Variants in TECPR2 observed in about 807,000 individuals in gnomAD.
TECPR2 encodes the protein tectonin beta-propeller repeat containing 2, also known as tectonin beta-propeller repeat-containing protein 2.
Under a neutral mutation model 138.1 loss-of-function variants are expected in TECPR2, and 65 were observed. That is an observed-to-expected ratio of 0.47 (90% CI 0.39 to 0.58). The LOEUF (loss-of-function observed/expected upper bound fraction) is 0.58, where lower values mean the gene tolerates loss of function less well. Among genes scored for constraint, TECPR2 ranks in the 20% least tolerant of loss-of-function variants. TECPR2 has a pLI of 0.00. For missense variants in TECPR2, 1,553 were observed against 1,824.5 expected (o/e 0.85, Z 2.71); for synonymous variants, 746 against 749.8 (o/e 0.99, Z 0.08).
rs1889892502 is a variant in TECPR2, at chr14:102,443,625, C to A, written c.2753-22C>A. ...GAGTTCTGACTGTGTGTCTTTGGGG[C>A]TTCTTCCCATCTTCCTGGCAGGTCT... On this transcript the variant is annotated intron_variant, in intron 11 of 19. Transcript: ENST00000359520. This position sits in a 1 kb window ranked among gnomAD's most constrained non-coding sequence, Gnocchi z 4.9. 4 of 1,529,568 alleles carry A rather than the reference C, an allele frequency of 2.6e-6. No individual in the cohort carries two copies. Among genetic ancestry groups the A allele is most frequent in the Non-Finnish European group, 3.6e-6 (4 of 1,124,694 alleles). 94.7% of individuals were successfully genotyped at this position (1,529,568 alleles called of 1,614,324 possible).
chr14:102,471,141 AG>A (rs1321403569), intron 17 of TECPR2, among the ~76,000 whole-genome samples: 2 of 151,738 alleles, frequency 1.3e-5, no homozygotes, highest in Non-Finnish European at 2.9e-5. Context: ...TAGTAGAGAT[AG>A]GGTTTCACTA....
chr14:102,430,323 C>T (rs961134906), intron 7 of TECPR2, among the ~76,000 whole-genome samples: 1 of 152,172 alleles, frequency 6.6e-6, no homozygotes, highest in Non-Finnish European at 1.5e-5. Flanking sequence ...TTACAAGTAG[C>T]TGGTGGCTGC....
intron 5 of TECPR2, among the ~76,000 whole-genome samples, chr14:102,422,386 G>GT (rs1889208005): frequency 6.6e-6 from 1 of 152,216 alleles, no homozygotes; most frequent in Non-Finnish European, 1.5e-5. Flanking sequence ...GAAGGAGATG[G>GT]TGTTATCTGA....
chr14:102,472,225 C>T (rs762724755), intron 17 of TECPR2, among the ~76,000 whole-genome samples: 1 of 152,212 alleles, frequency 6.6e-6, no homozygotes, highest in African/African-American at 2.4e-5. Context: ...GTGTGCACCT[C>T]TCTGCAGCCA....
chr14:102,493,725 G>A (rs8012282), intron 17 of TECPR2, among the ~76,000 whole-genome samples: 2,403 of 152,250 alleles, frequency 0.016, 65 homozygotes, highest in African/African-American at 0.055. Context: ...CCTGCTGGCC[G>A]CCCCGCCCCA....
chr14:102,480,760 C>T (rs1890873318), intron 17 of TECPR2, among the ~76,000 whole-genome samples: 1 of 149,070 alleles, frequency 6.7e-6, no homozygotes, highest in South Asian at 2.1e-4. Flanking sequence ...TCAAGTGATC[C>T]TCCCACCCCT....
At chr14:102,378,071 A>G (rs1887688842) in intron 2 of TECPR2, among the ~76,000 whole-genome samples, 1 of 152,188 alleles carries the variant, frequency 6.6e-6, no homozygotes, top group African/African-American at 2.4e-5. Context: ...CTGTAATGTA[A>G]TTCACCCACT....
At chr14:102,467,319 A>ATTTT (rs35221234) in intron 17 of TECPR2, among the ~76,000 whole-genome samples, 7 of 114,388 alleles carry the variant, frequency 6.1e-5, no homozygotes, top group African/African-American at 1.4e-4. Context: ...ATCCTCACCA[A>ATTTT]TTTTTTTTTT....
intron 1 of TECPR2, among the ~76,000 whole-genome samples, chr14:102,366,210 C>T (rs1887342331): frequency 6.6e-6 from 1 of 152,128 alleles, no homozygotes; most frequent in African/African-American, 2.4e-5. Flanking sequence ...GGCTAGCTGC[C>T]ACCTTCCAGG....
At chr14:102,383,874 T>G (rs1887909431) in intron 2 of TECPR2, among the ~76,000 whole-genome samples, 1 of 152,146 alleles carries the variant, frequency 6.6e-6, no homozygotes, top group African/African-American at 2.4e-5. Flanking sequence ...TATCATATTA[T>G]CTTTGTTTCG....
rs767810451 is a variant in TECPR2 at position 102,435,025 on chromosome 14, C to T, written c.2208C>T (p.His736=). Residue 736 remains histidine, a synonymous_variant, in exon 9 of 20, where the codon CAC becomes CAT. Coordinates refer to ENST00000359520, the MANE Select transcript of TECPR2 (RefSeq NM_014844.5). ...TCTCTGCCTTGGCAGCCAGCACTCA[C>T]AAGCCCTGGCTTGAGCAGCCTCCAC... ...TPVSALAAST[H]KPWLEQPPRD... is the part of the protein sequence containing the mutation. 5.0e-6 allele frequency: 8 copies of T among 1,614,154 alleles called. No homozygotes were observed. Among genetic ancestry groups the T allele is most frequent in the Non-Finnish European group, 5.9e-6 (7 of 1,180,038 alleles).
chr14:102,401,288 C>T (rs1395627574), intron 2 of TECPR2, among the ~76,000 whole-genome samples: 4 of 151,426 alleles, frequency 2.6e-5, no homozygotes, highest in African/African-American at 4.9e-5. Context: ...AAAATACAAA[C>T]ATTAGCTGGG....
At chr14:102,470,785 G>A (rs1195585110) in intron 17 of TECPR2, among the ~76,000 whole-genome samples, 6 of 148,682 alleles carry the variant, frequency 4.0e-5, no homozygotes, top group Non-Finnish European at 7.4e-5. Context: ...GGTTACAGGC[G>A]TGCACCACCA....
chr14:102,410,065 T>C (rs1042900117), intron 4 of TECPR2, among the ~76,000 whole-genome samples: 1 of 152,056 alleles, frequency 6.6e-6, no homozygotes, highest in Non-Finnish European at 1.5e-5. Flanking sequence ...CACCTCAGCC[T>C]CCCAAAGTGC....
At chr14:102,467,224 A>T (rs1382051146) in intron 17 of TECPR2, among the ~76,000 whole-genome samples, 1 of 151,878 alleles carries the variant, frequency 6.6e-6, no homozygotes, top group East Asian at 1.9e-4. Flanking sequence ...TCTGTGTTGA[A>T]CTTTTTAAGG....
Position 102,445,888 on chromosome 14 carries a change from T to C in TECPR2, c.3016T>C (p.Trp1006Arg). Residue 1006 changes from tryptophan to arginine, a missense_variant, in exon 13 of 20, where the codon TGG (tryptophan) becomes CGG (arginine). Coordinates refer to ENST00000359520, the MANE Select transcript of TECPR2 (RefSeq NM_014844.5). ...LWALDIHGNL[W>R]FRTGIISKKP... is the part of the protein sequence containing the mutation. ...GGCCCTGGACATCCATGGGAACCTG[T>C]GGTTCAGAACTGGCATTATTTCCAA... 6.2e-7 allele frequency: 1 copy of C among 1,613,926 alleles called. No homozygotes were observed. Among genetic ancestry groups the C allele is most frequent in the Non-Finnish European group, 8.5e-7 (1 of 1,179,984 alleles).
chr14:102,398,049 G>A (rs1888363403), intron 2 of TECPR2, among the ~76,000 whole-genome samples: 1 of 144,428 alleles, frequency 6.9e-6, no homozygotes, highest in Non-Finnish European at 1.5e-5. Flanking sequence ...CTCCAGCCTG[G>A]GCAACAGAGA....
intron 17 of TECPR2, among the ~76,000 whole-genome samples, chr14:102,479,710 A>T (rs557585968): frequency 3.5e-4 from 54 of 152,264 alleles, no homozygotes; most frequent in African/African-American, 1.2e-3. Flanking sequence ...CTGGGTCTGT[A>T]ATCTCATTAA....
At chr14:102,492,705 C>T (rs1047014852) in intron 17 of TECPR2, among the ~76,000 whole-genome samples, 4 of 152,172 alleles carry the variant, frequency 2.6e-5, no homozygotes, top group East Asian at 3.9e-4. Flanking sequence ...TGGCAGGCAG[C>T]GTGAGTGGGG....
Sources: gnomAD v4.1 joint callset for allele counts (sites outside exome capture counted in the v4.1 genomes callset) on GRCh38, gnomAD v4.1.1 for gene constraint, Gnocchi (gnomAD v3.1) non-coding constraint, MANE v1.5 for transcripts, NCBI Gene and HGNC (gene_info 2026-07-23, HGNC 2026-07-21) for gene names.